RBFOX1: variants seen among roughly 807,000 people sequenced by gnomAD.
RBFOX1 encodes the protein RNA binding protein fox-1 homolog 1.
Under a neutral mutation model 57.7 loss-of-function variants are expected in RBFOX1, and 8 were observed. The ratio of observed to expected loss-of-function variants is 0.14; its 90% CI spans 0.08 to 0.25. The LOEUF (loss-of-function observed/expected upper bound fraction) is 0.25. Ranked by LOEUF, RBFOX1 falls within the 10% of genes least tolerant of loss-of-function variation. The pLI is 1.00. For synonymous variants in RBFOX1, 326 were observed against 222.4 expected (o/e 1.47, Z -4.15); for missense variants, 611 against 548.5 (o/e 1.11, Z -1.14).
At chr16:6,607,311 C>A (rs1239744252) in intron 2 of RBFOX1, among the ~76,000 whole-genome samples, 2 of 152,074 alleles carry the variant, frequency 1.3e-5, no homozygotes, top group Admixed American at 6.6e-5. Flanking sequence ...ATATTCACAT[C>A]CCTTAAAAAT....
At chr16:7,076,303 A>T (rs2058290043) in intron 4 of RBFOX1, among the ~76,000 whole-genome samples, 1 of 151,984 alleles carries the variant, frequency 6.6e-6, no homozygotes. Context: ...AAGTGCTGGG[A>T]TTTCAGGCGT....
chr16:6,147,048 G>C (rs1317039006), intron 1 of RBFOX1, among the ~76,000 whole-genome samples: 1 of 152,192 alleles, frequency 6.6e-6, no homozygotes, highest in Non-Finnish European at 1.5e-5. Flanking sequence ...CGCCTTGGGA[G>C]CTTGTTAGAG....
chr16:6,826,324 G>T (rs56071220), intron 3 of RBFOX1, among the ~76,000 whole-genome samples: 1 of 152,108 alleles, frequency 6.6e-6, no homozygotes, highest in Non-Finnish European at 1.5e-5. Flanking sequence ...ACCAGCCTAG[G>T]CAACATGGGG....
chr16:6,190,703 G>T (rs1451255969), intron 1 of RBFOX1, among the ~76,000 whole-genome samples: 2 of 152,254 alleles, frequency 1.3e-5, no homozygotes, highest in East Asian at 3.9e-4. Flanking sequence ...CTTAGTCTCT[G>T]TTGGTCCCAC....
intron 5 of RBFOX1, among the ~76,000 whole-genome samples, chr16:7,573,554 C>G (rs1421646452): frequency 6.6e-6 from 1 of 152,160 alleles, no homozygotes; most frequent in South Asian, 2.1e-4. Context: ...ACTTTTATGG[C>G]CAGGCACAGT....
intron 3 of RBFOX1, among the ~76,000 whole-genome samples, chr16:6,820,728 T>G (rs1355239449): frequency 1.3e-5 from 2 of 152,116 alleles, no homozygotes; most frequent in African/African-American, 4.8e-5. Flanking sequence ...CTTAGAAGAT[T>G]TTTTAAGAGC....
At chr16:6,786,677 A>G (rs117114107) in intron 3 of RBFOX1, among the ~76,000 whole-genome samples, 4,935 of 152,220 alleles carry the variant, frequency 0.032, 119 homozygotes, top group Non-Finnish European at 0.054. Context: ...AGGTCAACAA[A>G]GTTCTGTTTT....
At chr16:6,304,001 G>A (rs926935206) in intron 1 of RBFOX1, among the ~76,000 whole-genome samples, 4 of 151,138 alleles carry the variant, frequency 2.6e-5, no homozygotes, top group African/African-American at 7.3e-5. Flanking sequence ...TAGTAGAATC[G>A]GGGTTTCACC....
At position 6,949,158 on chromosome 16, in the gene RBFOX1, C is replaced by G. The variant is rs114781528; in HGVS notation, c.-15-102899C>G. Reference sequence around the variant, plus strand: ...GGGATATGTAACTGATGCCTTCCCCCACCCCCCTGAAAAGTCTAAGGTCTA... The same window carrying G: ...GGGATATGTAACTGATGCCTTCCCCGACCCCCCTGAAAAGTCTAAGGTCTA... On this transcript the variant is annotated intron_variant, in intron 3 of 15. Transcript: ENST00000550418. 3.6e-3 allele frequency among the ~76,000 whole-genome samples: 554 copies of G among 152,128 alleles called. 3 individuals carry two copies. Among genetic ancestry groups the G allele is most frequent in the African/African-American group, 0.013 (526 of 41,476 alleles).
chr16:7,300,895 C>A (rs1245434919), intron 4 of RBFOX1, among the ~76,000 whole-genome samples: 3 of 152,134 alleles, frequency 2.0e-5, no homozygotes, highest in African/African-American at 7.2e-5. Context: ...CATTAAGGGT[C>A]CTTGTAGCTG....
intron 2 of RBFOX1, among the ~76,000 whole-genome samples, chr16:6,455,177 G>T (rs1263416758): frequency 6.6e-6 from 1 of 151,954 alleles, no homozygotes; most frequent in Non-Finnish European, 1.5e-5. Context: ...ACAGGCGTGA[G>T]CCGCCACGCC....
At chr16:7,395,419 A>C (rs1214039604) in intron 4 of RBFOX1, among the ~76,000 whole-genome samples, 1 of 152,240 alleles carries the variant, frequency 6.6e-6, no homozygotes, top group Non-Finnish European at 1.5e-5. Flanking sequence ...ATGAAACATT[A>C]GGGTATTAAC....
At chr16:5,611,719 TATCC>T (rs61156757) in intron 3 of RBFOX1, among the ~76,000 whole-genome samples, 5 of 114,584 alleles carry the variant, frequency 4.4e-5, no homozygotes, top group Admixed American at 9.0e-5. Context: ...TCCATCCATC[TATCC>T]ATCCATCCAT....
At chr16:6,840,489 G>T (rs563531165) in intron 3 of RBFOX1, among the ~76,000 whole-genome samples, 1 of 152,084 alleles carries the variant, frequency 6.6e-6, no homozygotes, top group Non-Finnish European at 1.5e-5. Context: ...CCCTAAATTT[G>T]TGTGTTGAAA....
chr16:5,867,374 T>A, intron 4 of RBFOX1: 1 of 1,132,760 alleles, frequency 8.8e-7, no homozygotes, highest in Non-Finnish European at 1.1e-6. Context: ...AGAAGATAGT[T>A]TGAAGTGGGT....
chr16:7,399,579 G>T (rs944730693), intron 4 of RBFOX1, among the ~76,000 whole-genome samples: 4 of 152,204 alleles, frequency 2.6e-5, no homozygotes, highest in Non-Finnish European at 4.4e-5. Flanking sequence ...GGTGGTGTCT[G>T]TCAATACCTG....
chr16:6,952,629 C>T lies in RBFOX1; in HGVS notation c.-15-99428C>T, dbSNP rs117780073. Among the ~76,000 whole-genome samples the T allele has an allele frequency of 2.3e-3, 344 of 151,934 alleles. 8 individuals carry two copies. The South Asian group carries it at 0.052, about 23-fold the overall frequency. ...CTACAGCCTGGGCAACAGAGCAAGA[C>T]TCTGTCTCCCTCCTCCCTCCAAAAA... On this transcript the variant is annotated intron_variant, in intron 3 of 15. Transcript: ENST00000550418.
At chr16:6,746,691 A>T in intron 3 of RBFOX1, among the ~76,000 whole-genome samples, 1 of 152,084 alleles carries the variant, frequency 6.6e-6, no homozygotes, top group East Asian at 1.9e-4. Flanking sequence ...GAAAAAAAAA[A>T]AGTGTTGTCT....
intron 4 of RBFOX1, among the ~76,000 whole-genome samples, chr16:7,085,114 T>TG (rs1491242711): frequency 7.2e-5 from 11 of 152,110 alleles, no homozygotes; most frequent in African/African-American, 2.7e-4. Flanking sequence ...TGTGTGTGTG[T>TG]TTGTGTGTGT....
Sources: gnomAD v4.1 joint callset for allele counts (sites outside exome capture counted in the v4.1 genomes callset) on GRCh38, gnomAD v4.1.1 for gene constraint, MANE v1.5 for transcripts, NCBI Gene and HGNC (gene_info 2026-07-23, HGNC 2026-07-21) for gene names.